The following XNDC1N variants were observed in gnomAD, a reference collection of about 807,000 sequenced individuals.
The protein encoded by XNDC1N is protein XNDC1N.
chr11:71,878,491 G>C, the XNDC1N span: 2 of 1,611,430 alleles, frequency 1.2e-6, no homozygotes, highest in Non-Finnish European at 1.7e-6. Context: ...TCCTTTCCTT[G>C]ATGTCCACAG....
the XNDC1N span, among the ~76,000 whole-genome samples, chr11:71,896,471 C>T: frequency 2.0e-5 from 3 of 152,258 alleles, no homozygotes; most frequent in Non-Finnish European, 2.9e-5. Context: ...GAATTGCTTG[C>T]ATATTTCCAG....
the XNDC1N span, among the ~76,000 whole-genome samples, chr11:71,904,952 G>A: frequency 6.6e-6 from 1 of 151,560 alleles, no homozygotes; most frequent in African/African-American, 2.4e-5. Context: ...AGTACACCCC[G>A]TGTGACATTA....
the XNDC1N span, among the ~76,000 whole-genome samples, chr11:71,897,100 C>T: frequency 2.0e-5 from 3 of 152,166 alleles, no homozygotes; most frequent in African/African-American, 7.2e-5. Flanking sequence ...AGAGACCTCA[C>T]CCCAAGCGCT....
the XNDC1N span, among the ~76,000 whole-genome samples, chr11:71,902,345 C>A: frequency 1.3e-5 from 2 of 152,192 alleles, no homozygotes; most frequent in Non-Finnish European, 2.9e-5. Context: ...GCGCACGCCG[C>A]CATACCGGGC....
At chr11:71,909,912 T>C in the XNDC1N span, among the ~76,000 whole-genome samples, 10 of 152,140 alleles carry the variant, frequency 6.6e-5, no homozygotes, top group South Asian at 1.7e-3. Flanking sequence ...CCCTTATGGT[T>C]CTCCGAGAGG....
At chr11:71,908,980 A>G in the XNDC1N span, among the ~76,000 whole-genome samples, 1 of 152,154 alleles carries the variant, frequency 6.6e-6, no homozygotes, top group East Asian at 1.9e-4. Flanking sequence ...AAGGCCACAA[A>G]CGTTAACAAG....
the XNDC1N span, among the ~76,000 whole-genome samples, chr11:71,872,281 A>T: frequency 1.3e-5 from 2 of 152,208 alleles, no homozygotes; most frequent in South Asian, 4.1e-4. Flanking sequence ...GTTAAGCCTC[A>T]TCCCACAGAA....
chr11:71,907,775 C>T, the XNDC1N span, among the ~76,000 whole-genome samples: 1 of 152,116 alleles, frequency 6.6e-6, no homozygotes. Context: ...CCTCCAGGAT[C>T]ATGGGAACGA....
chr11:71,913,684 A>C, the XNDC1N span, among the ~76,000 whole-genome samples: 9 of 150,656 alleles, frequency 6.0e-5, no homozygotes, highest in African/African-American at 1.7e-4. Context: ...AAAAAAAAAA[A>C]AAAAGAAAAA....
At chr11:71,914,613 G>A in the XNDC1N span, among the ~76,000 whole-genome samples, 1 of 151,928 alleles carries the variant, frequency 6.6e-6, no homozygotes, top group Non-Finnish European at 1.5e-5. Flanking sequence ...CTTGAACCCG[G>A]GAGGCAGAGG....
the XNDC1N span, chr11:71,893,758 T>G: frequency 1.4e-5 from 16 of 1,144,390 alleles, no homozygotes; most frequent in South Asian, 2.1e-4. Flanking sequence ...TCATGCGGAC[T>G]GCCTGACACA....
the XNDC1N span, among the ~76,000 whole-genome samples, chr11:71,915,604 G>A: frequency 6.6e-6 from 1 of 152,192 alleles, no homozygotes; most frequent in South Asian, 2.1e-4. Flanking sequence ...CTGTATACAT[G>A]TGTTGTACAG....
chr11:71,907,076 CATT>C, the XNDC1N span, among the ~76,000 whole-genome samples: 4 of 152,226 alleles, frequency 2.6e-5, no homozygotes, highest in Admixed American at 2.6e-4. Flanking sequence ...CACATTGTGA[CATT>C]ATTATTAACG....
the XNDC1N span, among the ~76,000 whole-genome samples, chr11:71,899,634 T>C: frequency 6.6e-6 from 1 of 152,188 alleles, no homozygotes; most frequent in East Asian, 1.9e-4. Context: ...GTAAAAGTCA[T>C]CGCCATTCTC....
the XNDC1N span, among the ~76,000 whole-genome samples, chr11:71,887,564 T>C: frequency 3.3e-5 from 5 of 151,360 alleles, no homozygotes; most frequent in South Asian, 1.0e-3. Context: ...CCTCCAGGAT[T>C]GGCCAGTTAA....
At chr11:71,889,741 G>T in the XNDC1N span, among the ~76,000 whole-genome samples, 2 of 152,190 alleles carry the variant, frequency 1.3e-5, no homozygotes, top group Admixed American at 6.5e-5. Context: ...TGTTCTGCCC[G>T]GCATAAGAGC....
the XNDC1N span, among the ~76,000 whole-genome samples, chr11:71,886,647 A>G: frequency 5.9e-5 from 9 of 152,204 alleles, no homozygotes; most frequent in African/African-American, 2.2e-4. Context: ...AAATCAGCGC[A>G]TGATTCCCAT....
At chr11:71,891,131 G>T in the XNDC1N span, among the ~76,000 whole-genome samples, 1 of 151,944 alleles carries the variant, frequency 6.6e-6, no homozygotes, top group Non-Finnish European at 1.5e-5. Context: ...ATTACAGGAG[G>T]GGTGTACACC....
the XNDC1N span, among the ~76,000 whole-genome samples, chr11:71,888,912 T>C: frequency 2.0e-5 from 3 of 152,182 alleles, no homozygotes; most frequent in East Asian, 5.8e-4. Flanking sequence ...CCTGGTTGTG[T>C]AGAAGTGTTG....
Sources: allele counts gnomAD v4.1 joint callset (sites outside exome capture counted in the v4.1 genomes callset), GRCh38; gene constraint gnomAD v4.1.1; transcripts MANE v1.5; gene names NCBI Gene and HGNC (gene_info 2026-07-23, HGNC 2026-07-21).